The following PDE4D variants were observed in gnomAD, a reference collection of about 807,000 sequenced individuals.
PDE4D encodes the protein phosphodiesterase 4D.
A neutral mutation model predicts 87.4 loss-of-function variants in PDE4D; 24 were observed. The ratio of observed to expected loss-of-function variants is 0.27; its 90% CI spans 0.20 to 0.39. The LOEUF is 0.39. PDE4D is among the 10% of genes least tolerant of loss of function. The pLI is 1.00. For synonymous variants in PDE4D, 384 were observed against 383.2 expected (o/e 1.00, Z -0.02); for missense variants, 714 against 1,041.0 (o/e 0.69, Z 4.32).
intron 3 of PDE4D, among the ~76,000 whole-genome samples, chr5:59,913,414 T>A (rs371484020): frequency 6.6e-6 from 1 of 152,172 alleles, no homozygotes; most frequent in African/African-American, 2.4e-5. Flanking sequence ...CTTTCATATA[T>A]GTGAGAGCTA....
intron 1 of PDE4D, among the ~76,000 whole-genome samples, chr5:59,250,594 T>C (rs956203148): frequency 1.3e-5 from 2 of 152,060 alleles, no homozygotes; most frequent in African/African-American, 4.8e-5. Context: ...GAATTTTAAA[T>C]TAATGTTTTC....
At chr5:60,321,347 G>A (rs968572272) in intron 1 of PDE4D, among the ~76,000 whole-genome samples, 1 of 152,202 alleles carries the variant, frequency 6.6e-6, no homozygotes, top group African/African-American at 2.4e-5. Flanking sequence ...CTAGCCAAAT[G>A]CAGATTGATG....
chr5:60,156,684 A>C (rs1448234744), intron 2 of PDE4D, among the ~76,000 whole-genome samples: 1 of 152,130 alleles, frequency 6.6e-6, no homozygotes, highest in African/African-American at 2.4e-5. Flanking sequence ...ATCACCCATA[A>C]TCTTACCTGC....
intron 1 of PDE4D, among the ~76,000 whole-genome samples, chr5:59,453,392 C>T (rs904852916): frequency 1.3e-5 from 2 of 152,198 alleles, no homozygotes; most frequent in African/African-American, 2.4e-5. Flanking sequence ...AAAGATTAAG[C>T]TTGCTTAGTA....
chr5:59,581,243 G>A (rs555975021), intron 1 of PDE4D, among the ~76,000 whole-genome samples: 3 of 152,122 alleles, frequency 2.0e-5, no homozygotes, highest in South Asian at 4.1e-4. Flanking sequence ...AGGAACATTC[G>A]ACCTATGGCA....
chr5:60,466,513 T>C (rs186049804), intron 1 of PDE4D, among the ~76,000 whole-genome samples: 3 of 152,336 alleles, frequency 2.0e-5, no homozygotes, highest in African/African-American at 7.2e-5. Context: ...CAAGACAATG[T>C]TTAAAAATAA....
At chr5:60,341,225 C>T (rs1758291534) in intron 1 of PDE4D, among the ~76,000 whole-genome samples, 3 of 152,272 alleles carry the variant, frequency 2.0e-5, no homozygotes, top group East Asian at 1.9e-4. Flanking sequence ...ACCCCTATTG[C>T]ATTACAGGAG....
At chr5:59,525,148 C>G (rs888883000) in intron 1 of PDE4D, among the ~76,000 whole-genome samples, 1 of 152,184 alleles carries the variant, frequency 6.6e-6, no homozygotes. Context: ...GCTTGCACTG[C>G]GCACCTGGAA....
intron 5 of PDE4D, among the ~76,000 whole-genome samples, chr5:59,108,950 A>G (rs1429093530): frequency 9.3e-6 from 1 of 107,620 alleles, no homozygotes. Flanking sequence ...ATTCATAGGA[A>G]CTCAATGTGT....
chr5:59,415,946 G>A (rs1229260669), intron 1 of PDE4D, among the ~76,000 whole-genome samples: 2 of 152,122 alleles, frequency 1.3e-5, no homozygotes, highest in Non-Finnish European at 2.9e-5. Flanking sequence ...ATAAATGAGA[G>A]GTCACCTGCA....
intron 1 of PDE4D, among the ~76,000 whole-genome samples, chr5:60,210,575 A>G (rs1743080379): frequency 6.6e-6 from 1 of 152,104 alleles, no homozygotes; most frequent in Admixed American, 6.5e-5. Context: ...GGCTTTCCCA[A>G]AAAGGAAACA....
At chr5:60,213,430 C>T (rs1296536858) in intron 1 of PDE4D, among the ~76,000 whole-genome samples, 1 of 152,170 alleles carries the variant, frequency 6.6e-6, no homozygotes, top group Non-Finnish European at 1.5e-5. Context: ...ACTATACGTT[C>T]TTGAACTCCA....
At chr5:59,252,153 C>T in intron 1 of PDE4D, among the ~76,000 whole-genome samples, 1 of 152,112 alleles carries the variant, frequency 6.6e-6, no homozygotes, top group African/African-American at 2.4e-5. Flanking sequence ...CAAACCTTCA[C>T]ATGTACCCCC....
At chr5:59,596,506 G>T (rs1377585907) in intron 1 of PDE4D, among the ~76,000 whole-genome samples, 12 of 151,830 alleles carry the variant, frequency 7.9e-5, no homozygotes, top group Admixed American at 7.9e-4. Flanking sequence ...GGGTAGTGGG[G>T]TTTTCTGGTC....
chr5:59,327,620 T>C (rs867396218), intron 1 of PDE4D, among the ~76,000 whole-genome samples: 17 of 152,218 alleles, frequency 1.1e-4, no homozygotes, highest in African/African-American at 4.1e-4. Flanking sequence ...CATTTTTGCC[T>C]ACTACTTTTG....
At chr5:60,321,373 A>T (rs540408918) in intron 1 of PDE4D, among the ~76,000 whole-genome samples, 38 of 151,620 alleles carry the variant, frequency 2.5e-4, no homozygotes, top group Non-Finnish European at 5.5e-4. Flanking sequence ...CCTCTTTTTT[A>T]TATCATATAC....
chr5:59,655,002 A>G (rs991998452), intron 1 of PDE4D, among the ~76,000 whole-genome samples: 1 of 152,150 alleles, frequency 6.6e-6, no homozygotes, highest in Non-Finnish European at 1.5e-5. Context: ...ATTAAGAATA[A>G]TGTTGCTGTG....
chr5:58,999,484 C>A (rs774464385), intron 6 of PDE4D: 1 of 1,503,730 alleles, frequency 6.7e-7, no homozygotes. Context: ...CTAAGTAAGT[C>A]TTACCTTTAT....
chr5:59,090,517 C>T (rs188825548), intron 5 of PDE4D, among the ~76,000 whole-genome samples: 3 of 152,206 alleles, frequency 2.0e-5, no homozygotes, highest in African/African-American at 7.2e-5. Flanking sequence ...AAGCTCTTTG[C>T]ACTGTTTACA....
Sources: gnomAD v4.1 joint callset for allele counts (sites outside exome capture counted in the v4.1 genomes callset) on GRCh38, gnomAD v4.1.1 for gene constraint, MANE v1.5 for transcripts, NCBI Gene and HGNC (gene_info 2026-07-23, HGNC 2026-07-21) for gene names.